CASK: variants seen among roughly 807,000 people sequenced by gnomAD.
CASK encodes calcium/calmodulin dependent serine protein kinase, also known as peripheral plasma membrane protein CASK.
CASK carries 4 observed loss-of-function variants against 82.9 expected under a neutral mutation model. The observed-to-expected ratio is 0.05, with a 90% CI of 0.02 to 0.11. The LOEUF is 0.11. Among genes scored for constraint, CASK ranks in the 10% least tolerant of loss-of-function variants. CASK has a pLI of 1.00. For synonymous variants in CASK, 259 were observed against 253.5 expected (o/e 1.02, Z -0.20); for missense variants, 358 against 720.9 (o/e 0.50, Z 5.76).
chrX:41,749,216 G>A (rs1448919721), intron 3 of CASK, among the ~76,000 whole-genome samples: 1 of 107,633 alleles, frequency 9.3e-6, no homozygotes, highest in African/African-American at 3.4e-5. Context: ...CTGAACCCGG[G>A]AAGCAGAGGT....
At position 41,553,842 on chromosome X, in the gene CASK, C is replaced by T. The variant is rs2065129345; in HGVS notation, c.1916G>A (p.Arg639Gln). The T allele has an allele frequency of 6.7e-6, 8 of 1,202,705 alleles. No homozygotes were observed. The East Asian group carries it at 8.9e-5, about 13-fold the overall frequency. ...CTGGATGATGTCACCAACTCTGAAT[C>T]GAATGCCAGCTTCTTTACAGGGGAT... ...DLIPCKEAGI[R>Q]FRVGDIIQII... The change falls in exon 21 of 27, where the codon CGA (arginine) becomes CAA (glutamine). Residue 639 changes from arginine (R) to glutamine (Q), a missense_variant. Coordinates refer to ENST00000378163, the MANE Select transcript of CASK (RefSeq NM_001367721.1).
At chrX:41,920,572 T>C (rs756842232) in intron 1 of CASK, among the ~76,000 whole-genome samples, 2 of 112,103 alleles carry the variant, frequency 1.8e-5, no homozygotes, top group Non-Finnish European at 3.8e-5. Context: ...AAGGTAGCCA[T>C]AGAGTACCTA....
At chrX:41,889,693 G>A (rs1007950798) in intron 1 of CASK, among the ~76,000 whole-genome samples, 2 of 111,724 alleles carry the variant, frequency 1.8e-5, no homozygotes, top group African/African-American at 6.5e-5. Context: ...TTTTCCACTG[G>A]TAACATTTGC....
At chrX:41,899,428 A>G (rs2072328235) in intron 1 of CASK, among the ~76,000 whole-genome samples, 1 of 110,838 alleles carries the variant, frequency 9.0e-6, no homozygotes, top group Non-Finnish European at 1.9e-5. Context: ...TTGATGGGTA[A>G]AAACTCACTA....
intron 8 of CASK, 48 bp from the exon 9 acceptor site, chrX:41,636,709 G>T: frequency 2.5e-6 from 2 of 796,418 alleles, no homozygotes; most frequent in Non-Finnish European, 3.8e-6. Flanking sequence ...TTAAAAAAGT[G>T]CAGAAGCTTA....
chrX:41,876,602 G>C (rs143037621), intron 1 of CASK, among the ~76,000 whole-genome samples: 4,515 of 111,472 alleles, frequency 0.041, 92 homozygotes, highest in Non-Finnish European at 0.061. Flanking sequence ...ATAGTATATA[G>C]TAAGTATTCA....
rs745646582 is a variant in CASK at position 41,517,764 on chromosome X, TAGCAGTAGCAGCAGCAGCAGCAGCAGC to T, written c.*2629_*2655del. ...GATTGCTTAGTGGACAATTGTAATG[TAGCAGTAGCAGCAGCAGCAGCAGCAGC>T]AGCAGCAGCAGCAGCAGCAGCAGCA... is the stretch of plus-strand genomic sequence containing the variant. On this transcript the variant is annotated 3_prime_UTR_variant, in exon 27 of 27. Coordinates refer to ENST00000378163, the MANE Select transcript of CASK (RefSeq NM_001367721.1). The T allele has an allele frequency of 2.4e-4, 176 of 733,576 alleles. 1 individual carries two copies. In the African/African-American group the frequency reaches 4.1e-3, roughly 17 times the overall value. The allele number at this position is 733,576 out of a possible 1,213,427, so 60.5% of individuals were successfully genotyped here. A position where few individuals can be genotyped will look rare whatever the true frequency, so the allele number is the denominator to read the frequency against.
chrX:41,536,756 T>C (rs1242387894), intron 22 of CASK, among the ~76,000 whole-genome samples: 3 of 112,083 alleles, frequency 2.7e-5, no homozygotes, highest in Non-Finnish European at 5.6e-5. Context: ...AGAAATGTTT[T>C]CTGTGTTCAG....
At chrX:41,877,963 T>G (rs1027188319) in intron 1 of CASK, among the ~76,000 whole-genome samples, 5 of 109,919 alleles carry the variant, frequency 4.5e-5, no homozygotes, top group Admixed American at 9.7e-5. Flanking sequence ...TTTACCACAA[T>G]TAAATTTTTA....
intron 1 of CASK, among the ~76,000 whole-genome samples, chrX:41,915,783 A>C (rs1406974134): frequency 9.2e-6 from 1 of 109,027 alleles, no homozygotes; most frequent in Non-Finnish European, 1.9e-5. Context: ...AGGTCAGGAG[A>C]TCAAGACCAT....
intron 5 of CASK, among the ~76,000 whole-genome samples, chrX:41,718,379 T>A (rs2068099170): frequency 8.8e-6 from 1 of 113,117 alleles, no homozygotes; most frequent in African/African-American, 3.2e-5. Flanking sequence ...TTATAGCCTG[T>A]CGGTCAGAAG....
At chrX:41,772,203 T>A (rs1475621477) in intron 3 of CASK, among the ~76,000 whole-genome samples, 3 of 108,464 alleles carry the variant, frequency 2.8e-5, no homozygotes, top group African/African-American at 1.0e-4. Flanking sequence ...ATGCAAAAAT[T>A]AGCCTGGCAT....
At chrX:41,573,528 T>C (rs2065444495) in intron 15 of CASK, among the ~76,000 whole-genome samples, 1 of 111,490 alleles carries the variant, frequency 9.0e-6, no homozygotes. Context: ...TCTTGCTGTG[T>C]TTCATTTTTG....
intron 1 of CASK, among the ~76,000 whole-genome samples, chrX:41,889,201 A>G (rs1465427069): frequency 9.1e-6 from 1 of 109,735 alleles, no homozygotes; most frequent in Non-Finnish European, 1.9e-5. Flanking sequence ...TGGAAAATCT[A>G]TTTAGATGTT....
At chrX:41,817,763 T>C (rs758932061) in intron 2 of CASK, among the ~76,000 whole-genome samples, 1 of 110,976 alleles carries the variant, frequency 9.0e-6, no homozygotes, top group South Asian at 3.8e-4. Flanking sequence ...AAAAAGGATA[T>C]TGAAACTAGA....
chrX:41,864,205 C>A (rs578020648), intron 1 of CASK, among the ~76,000 whole-genome samples: 13 of 111,672 alleles, frequency 1.2e-4, no homozygotes, highest in African/African-American at 3.6e-4. Flanking sequence ...AAAGATATCT[C>A]AGTCACCAAT....
At chrX:41,768,791 G>C (rs1270737529) in intron 3 of CASK, among the ~76,000 whole-genome samples, 1 of 111,454 alleles carries the variant, frequency 9.0e-6, no homozygotes, top group East Asian at 2.8e-4. Context: ...AAGCAAGGGA[G>C]AGCCCATCTC....
At chrX:41,695,842 T>G in intron 5 of CASK, 1 of 1,203,695 alleles carries the variant, frequency 8.3e-7, no homozygotes, top group Non-Finnish European at 1.1e-6. Flanking sequence ...GTGGGACTGG[T>G]TGGGAACATA....
At chrX:41,716,285 G>A (rs999456179) in intron 5 of CASK, among the ~76,000 whole-genome samples, 6 of 112,157 alleles carry the variant, frequency 5.3e-5, no homozygotes, top group Non-Finnish European at 1.1e-4. Context: ...TCAGAGTAAC[G>A]GTTTGATAGA....
Sources: allele counts gnomAD v4.1 joint callset (sites outside exome capture counted in the v4.1 genomes callset), GRCh38; gene constraint gnomAD v4.1.1; transcripts MANE v1.5; gene names NCBI Gene and HGNC (gene_info 2026-07-23, HGNC 2026-07-21).